BABAM2: variants seen among roughly 807,000 people sequenced by gnomAD.
BABAM2 encodes BRISC and BRCA1-A complex member 2.
A neutral mutation model predicts 54.7 loss-of-function variants in BABAM2; 31 were observed. The observed-to-expected ratio is 0.57, with a 90% CI of 0.43 to 0.77. The LOEUF is 0.77. Among genes scored for constraint, BABAM2 ranks in the 30% least tolerant of loss-of-function variants. The pLI is 0.00. For missense variants in BABAM2, 364 were observed against 455.8 expected (o/e 0.80, Z 1.83); for synonymous variants, 167 against 162.9 (o/e 1.03, Z -0.19).
At chr2:28,077,700 C>T (rs1252257519) in intron 6 of BABAM2, among the ~76,000 whole-genome samples, 1 of 152,140 alleles carries the variant, frequency 6.6e-6, no homozygotes, top group Non-Finnish European at 1.5e-5. Context: ...TCCTAACCTC[C>T]CTCTCACTCC....
rs1352138121 is a variant in BABAM2, at chr2:28,252,427, T to C, written c.934+7565T>C. ...CTTCCTTGAAAGTGGTTAGCTCTAC[T>C]AGGCAAAGTGGTTTTCATCTTTTGA... is the stretch of plus-strand genomic sequence containing the variant. On this transcript the variant is annotated intron_variant, in intron 10 of 11. Transcript: ENST00000379624. 2.0e-5 allele frequency among the ~76,000 whole-genome samples: 3 copies of C among 152,346 alleles called. No individual in the cohort carries two copies. In the East Asian group the frequency reaches 5.8e-4, roughly 29 times the overall value.
chr2:28,070,092 A>G (rs1573516351), intron 6 of BABAM2, among the ~76,000 whole-genome samples: 1 of 152,232 alleles, frequency 6.6e-6, no homozygotes, highest in Non-Finnish European at 1.5e-5. Flanking sequence ...TGATTTATAT[A>G]TCAAATCCAA....
At chr2:28,028,161 A>G (rs957116117) in intron 5 of BABAM2, among the ~76,000 whole-genome samples, 2 of 152,046 alleles carry the variant, frequency 1.3e-5, no homozygotes, top group Non-Finnish European at 2.9e-5. Flanking sequence ...TGGGCCATCG[A>G]ATGGAGGGCC....
intron 7 of BABAM2, among the ~76,000 whole-genome samples, chr2:28,152,502 C>A (rs62139068): frequency 1.3e-5 from 2 of 151,984 alleles, no homozygotes; most frequent in East Asian, 3.9e-4. Flanking sequence ...GAGCTGATAA[C>A]GGGAAGGAGG....
At chr2:27,928,910 T>C (rs1366309717) in intron 2 of BABAM2, among the ~76,000 whole-genome samples, 1 of 149,564 alleles carries the variant, frequency 6.7e-6, no homozygotes, top group Non-Finnish European at 1.5e-5. Context: ...TGTGAAATAA[T>C]AGATTAAAAA....
chr2:27,928,080 C>T (rs931751259), intron 2 of BABAM2, among the ~76,000 whole-genome samples: 5 of 151,856 alleles, frequency 3.3e-5, no homozygotes, highest in Admixed American at 1.3e-4. Context: ...GGCAGGATCT[C>T]GGCTCACTGC....
chr2:28,202,654 T>C (rs1186856711), intron 7 of BABAM2, among the ~76,000 whole-genome samples: 1 of 152,160 alleles, frequency 6.6e-6, no homozygotes, highest in Admixed American at 6.6e-5. Flanking sequence ...CACATGCAGC[T>C]GGGGGAGGAA....
chr2:28,170,810 C>T (rs1277376685), intron 7 of BABAM2, among the ~76,000 whole-genome samples: 1 of 151,964 alleles, frequency 6.6e-6, no homozygotes, highest in Non-Finnish European at 1.5e-5. Context: ...TTTAACTTTG[C>T]AAGAAATTAA....
intron 8 of BABAM2, among the ~76,000 whole-genome samples, chr2:28,239,983 A>G (rs1389873863): frequency 2.0e-5 from 3 of 152,214 alleles, no homozygotes. Flanking sequence ...AAAATGTTCA[A>G]CCTGGACCTA....
chr2:28,114,814 C>T (rs774566008), intron 6 of BABAM2, among the ~76,000 whole-genome samples: 3 of 152,110 alleles, frequency 2.0e-5, no homozygotes, highest in Non-Finnish European at 2.9e-5. Flanking sequence ...ATGATCTAAA[C>T]CTGGGGAGAA....
At chr2:27,952,247 G>C in intron 3 of BABAM2, among the ~76,000 whole-genome samples, 1 of 152,122 alleles carries the variant, frequency 6.6e-6, no homozygotes, top group East Asian at 1.9e-4. Flanking sequence ...TTTTAAATCT[G>C]ACAGTCTTTG....
intron 4 of BABAM2, among the ~76,000 whole-genome samples, chr2:28,010,040 A>G (rs1674280110): frequency 6.6e-6 from 1 of 152,210 alleles, no homozygotes; most frequent in African/African-American, 2.4e-5. Context: ...GGACTGGGGT[A>G]CTGCTCATTG....
At chr2:28,115,687 A>G (rs1169733757) in intron 6 of BABAM2, among the ~76,000 whole-genome samples, 1 of 151,846 alleles carries the variant, frequency 6.6e-6, no homozygotes, top group East Asian at 1.9e-4. Flanking sequence ...TCCAATTTGG[A>G]GATTTGGGGT....
At chr2:28,288,952 G>A (rs1455772759) in intron 10 of BABAM2, among the ~76,000 whole-genome samples, 1 of 150,008 alleles carries the variant, frequency 6.7e-6, no homozygotes, top group Non-Finnish European at 1.5e-5. Flanking sequence ...TCTACCCACT[G>A]TGGGTTGTTG....
At chr2:28,102,999 G>GT (rs1315816674) in intron 6 of BABAM2, among the ~76,000 whole-genome samples, 1 of 152,010 alleles carries the variant, frequency 6.6e-6, no homozygotes, top group Non-Finnish European at 1.5e-5. Flanking sequence ...ACGGCCTATA[G>GT]TTTTTTGTTT....
chr2:27,969,633 G>C (rs1671062959), intron 3 of BABAM2, among the ~76,000 whole-genome samples: 1 of 152,136 alleles, frequency 6.6e-6, no homozygotes, highest in South Asian at 2.1e-4. Flanking sequence ...ACTGGAGCTG[G>C]ATGGCCACGA....
chr2:27,934,886 G>A (rs1668379894), intron 3 of BABAM2, among the ~76,000 whole-genome samples: 1 of 152,220 alleles, frequency 6.6e-6, no homozygotes, highest in African/African-American at 2.4e-5. Flanking sequence ...GCTAGCAGAA[G>A]TTGGTTCATG....
chr2:28,310,425 A>G (rs1052932658), intron 11 of BABAM2: 1 of 365,390 alleles, frequency 2.7e-6, no homozygotes, highest in Non-Finnish European at 5.0e-6. Flanking sequence ...CTCCATCTGT[A>G]TTCCTTTGGT....
At chr2:28,022,258 C>T (rs544841022) in intron 4 of BABAM2, among the ~76,000 whole-genome samples, 7 of 152,282 alleles carry the variant, frequency 4.6e-5, no homozygotes, top group East Asian at 3.9e-4. Context: ...TTCATGAGTT[C>T]GCTCATGACC....
Sources: allele counts gnomAD v4.1 joint callset (sites outside exome capture counted in the v4.1 genomes callset), GRCh38; gene constraint gnomAD v4.1.1; transcripts MANE v1.5; gene names NCBI Gene and HGNC (gene_info 2026-07-23, HGNC 2026-07-21).